ZNF492: variants seen among roughly 807,000 people sequenced by gnomAD.
ZNF492 encodes zinc finger protein 115 (Y20).
Under a neutral mutation model 6.4 loss-of-function variants are expected in ZNF492, and 3 were observed. The ratio of observed to expected loss-of-function variants is 0.47; its 90% confidence interval spans 0.21 to 1.22. The LOEUF (loss-of-function observed/expected upper bound fraction) is 1.22. Ranked by LOEUF, ZNF492 falls within the 50% of genes most tolerant of loss-of-function variation. ZNF492 has a pLI of 0.22. For synonymous variants in ZNF492, 112 were observed against 205.3 expected (o/e 0.55, Z 3.89); for missense variants, 356 against 612.5 (o/e 0.58, Z 4.42).
At chr19:22,663,773 G>C in intron 3 of ZNF492, 27 bp from the exon 4 acceptor site, 2 of 1,465,594 alleles carry the variant, frequency 1.4e-6, no homozygotes. Context: ...AGTAAGTGAA[G>C]TAATTTATTA....
intron 1 of ZNF492, among the ~76,000 whole-genome samples, chr19:22,635,134 A>C (rs1971747875): frequency 6.6e-6 from 1 of 152,092 alleles, no homozygotes; most frequent in Non-Finnish European, 1.5e-5. Flanking sequence ...GTTAAGCCTG[A>C]ATTTTGTTTC....
At chr19:22,661,857 A>C (rs1972061951) in intron 3 of ZNF492, among the ~76,000 whole-genome samples, 1 of 152,146 alleles carries the variant, frequency 6.6e-6, no homozygotes. Flanking sequence ...TTGGCCGCCA[A>C]AGTGCTAGGA....
intron 1 of ZNF492, among the ~76,000 whole-genome samples, chr19:22,647,232 GT>G (rs925312638): frequency 2.8e-5 from 4 of 145,308 alleles, no homozygotes; most frequent in Non-Finnish European, 4.5e-5. Flanking sequence ...CAGTTTGCCA[GT>G]TTTTTTTTGT....
intron 1 of ZNF492, among the ~76,000 whole-genome samples, chr19:22,648,821 TG>T: frequency 6.6e-6 from 1 of 152,378 alleles, no homozygotes; most frequent in Non-Finnish European, 1.5e-5. Flanking sequence ...CATCCCTATG[TG>T]TGTCTTTACA....
In ZNF492 at chr19:22,666,757, ATAT is replaced by A. The variant is rs1267727878; in HGVS notation, c.*1497_*1499del. The A allele has an allele frequency of 1.3e-5, 2 of 152,168 alleles. No homozygotes were observed. Among genetic ancestry groups the A allele is most frequent in the African/African-American group, 2.4e-5 (1 of 41,460 alleles). 9.4% of individuals were successfully genotyped at this position (152,168 alleles called of 1,614,324 possible). ...TAGTTAAAATTAAAAATAAATTAGT[ATAT>A]TATTTTACTAATTTTACTTTTATGA... On this transcript the variant is annotated 3_prime_UTR_variant, in exon 4 of 4. Coordinates refer to ENST00000456783, the MANE Select transcript of ZNF492 (RefSeq NM_020855.3).
Position 22,654,000 on chromosome 19 carries a change from G to A in ZNF492, c.115G>A (p.Val39Ile). The A allele has an allele frequency of 1.9e-6, 3 of 1,601,838 alleles. No homozygotes were observed. Among genetic ancestry groups the A allele is most frequent in the Non-Finnish European group, 2.6e-6 (3 of 1,176,436 alleles). ...EPWNVKRHEMVAEPPVVCSYF... is the reference protein window; with the variant it reads ...EPWNVKRHEMIAEPPVVCSYF... ...TTGGAATGTGAAGAGACATGAGATG[G>A]TAGCTGAACCCCCAGGTAGGTGAGA... is the stretch of plus-strand genomic sequence containing the variant. Residue 39 changes from valine (V) to isoleucine (I), a missense_variant, in exon 3 of 4, where the codon GTA becomes ATA. This residue lies in a region of ZNF492 where 196 missense variants were observed against 219.4 expected (regional missense o/e 0.89). Coordinates refer to ENST00000456783, the MANE Select transcript of ZNF492 (RefSeq NM_020855.3).
At chr19:22,663,664 T>A in intron 3 of ZNF492, 136 bp from the exon 4 acceptor site, 2 of 802,604 alleles carry the variant, frequency 2.5e-6, no homozygotes, top group Admixed American at 3.6e-5. Flanking sequence ...TTTATATGTC[T>A]GTGAAAATGT....
intron 3 of ZNF492, 130 bp from the exon 4 acceptor site, chr19:22,663,670 A>G: frequency 1.2e-6 from 1 of 837,538 alleles, no homozygotes; most frequent in Non-Finnish European, 1.7e-6. Flanking sequence ...TGTCTGTGAA[A>G]ATGTTAGAGC....
In ZNF492 at chr19:22,666,093, T is replaced by C. The variant is rs1231529229; in HGVS notation, c.*828T>C. On this transcript the variant is annotated 3_prime_UTR_variant, in exon 4 of 4. Coordinates refer to ENST00000456783, the MANE Select transcript of ZNF492 (RefSeq NM_020855.3). The stretch of plus-strand genomic sequence containing the variant: ...TAACTCTCAAATTACTTCATACAAA[T>C]AATGTTGTAATTAACTCAAATTACT... The C allele has an allele frequency of 1.3e-5, 2 of 152,112 alleles. No homozygotes were observed. The highest frequency in any genetic ancestry group is 3.8e-4 in the East Asian group (2 of 5,202). The allele number at this position is 152,112 out of a possible 1,614,324, so 9.4% of individuals were successfully genotyped here. A position where few individuals can be genotyped will look rare whatever the true frequency, so the allele number is the denominator to read the frequency against.
chr19:22,654,011 C>A lies in ZNF492; in HGVS notation c.126C>A (p.Pro42=). 6.3e-7 allele frequency: 1 copy of A among 1,596,734 alleles called. No individual in the cohort carries two copies. The highest frequency in any genetic ancestry group is 8.5e-7 in the Non-Finnish European group (1 of 1,175,014). Residue 42 remains proline, a synonymous_variant, in exon 3 of 4, where the codon CCC becomes CCA. Coordinates refer to ENST00000456783, the MANE Select transcript of ZNF492 (RefSeq NM_020855.3). ...NVKRHEMVAE[P]PVVCSYFARD... ...AGAGACATGAGATGGTAGCTGAACC[C>A]CCAGGTAGGTGAGAGTGAAAGTGAA...
chr19:22,657,793 A>G (rs1036564958), intron 3 of ZNF492, among the ~76,000 whole-genome samples: 1 of 152,098 alleles, frequency 6.6e-6, no homozygotes, highest in African/African-American at 2.4e-5. Flanking sequence ...TAAGAGATAG[A>G]TCAGCCTTAT....
rs1599405921 is a variant in ZNF492, at chr19:22,666,844, A to G, written c.*1579A>G. On this transcript the variant is annotated 3_prime_UTR_variant, in exon 4 of 4. Coordinates refer to ENST00000456783, the MANE Select transcript of ZNF492 (RefSeq NM_020855.3). ...TGTGAACTTAATTTCTTAATTCAAC[A>G]TTTTTAACAGTTTAAATATTGTGCA... 1 of 152,224 alleles carries G rather than the reference A, an allele frequency of 6.6e-6. No homozygotes were observed. The highest frequency in any genetic ancestry group is 1.5e-5 in the Non-Finnish European group (1 of 68,036). 9.4% of individuals were successfully genotyped at this position (152,224 alleles called of 1,614,324 possible).
At chr19:22,654,400 T>C (rs1971972765) in intron 3 of ZNF492, among the ~76,000 whole-genome samples, 1 of 152,110 alleles carries the variant, frequency 6.6e-6, no homozygotes, top group South Asian at 2.1e-4. Context: ...GTCCTAAATG[T>C]GTGAGAGCAG....
At chr19:22,634,965 T>C (rs936758002) in intron 1 of ZNF492, among the ~76,000 whole-genome samples, 1 of 152,146 alleles carries the variant, frequency 6.6e-6, no homozygotes, top group Non-Finnish European at 1.5e-5. Flanking sequence ...GGGTTGTAGT[T>C]TGTGGTCGGT....
chr19:22,653,205 G>A, intron 1 of ZNF492, 102 bp from the exon 2 acceptor site: 1 of 1,349,588 alleles, frequency 7.4e-7, no homozygotes, highest in Non-Finnish European at 1.0e-6. Flanking sequence ...ACTCCTATAA[G>A]TAAGAACCAG....
At chr19:22,640,707 T>A (rs1351912412) in intron 1 of ZNF492, among the ~76,000 whole-genome samples, 1 of 152,220 alleles carries the variant, frequency 6.6e-6, no homozygotes, top group Non-Finnish European at 1.5e-5. Flanking sequence ...CCAGCTGTCC[T>A]TTGTCCATCT....
At chr19:22,652,335 C>G (rs570676099) in intron 1 of ZNF492, among the ~76,000 whole-genome samples, 5 of 132,312 alleles carry the variant, frequency 3.8e-5, no homozygotes, top group Admixed American at 2.2e-4. Context: ...TCACGCCATT[C>G]TCCTGCCTCA....
intron 1 of ZNF492, among the ~76,000 whole-genome samples, chr19:22,652,238 T>TTTTTTTTTTTTTTTTTTGTGG: frequency 8.1e-6 from 1 of 124,140 alleles, no homozygotes; most frequent in African/African-American, 4.5e-5. Flanking sequence ...TTTTTTTTTT[T>TTTTTTTTTTTTTTTTTTGTGG]GAGACGGAGT....
Position 22,634,453 on chromosome 19 carries a change from A to AC in ZNF492, c.-110dup. 2.2e-6 allele frequency: 3 copies of AC among 1,380,944 alleles called. No individual in the cohort carries two copies. The highest frequency in any genetic ancestry group is 1.2e-5 in the South Asian group (1 of 86,476). The allele number at this position is 1,380,944 out of a possible 1,614,324, so 85.5% of individuals were successfully genotyped here. A position where few individuals can be genotyped will look rare whatever the true frequency, so the allele number is the denominator to read the frequency against. The stretch of plus-strand genomic sequence containing the variant: ...GGAGATCCACAGCTAAGACGCTAGG[A>AC]CCCCCTGGAAGCCTAGAAACGGTGA... On this transcript the variant is annotated 5_prime_UTR_variant, in exon 1 of 4. Transcript: ENST00000456783.
Sources: gnomAD v4.1 joint callset for allele counts (sites outside exome capture counted in the v4.1 genomes callset) on GRCh38, gnomAD v4.1.1 for gene constraint, gnomAD v4.1.1 regional missense constraint, MANE v1.5 for transcripts, NCBI Gene and HGNC (gene_info 2026-07-23, HGNC 2026-07-21) for gene names.